PCDHGA9: variants seen among roughly 807,000 people sequenced by gnomAD.
The protein encoded by PCDHGA9 is protocadherin gamma subfamily A, 9, also known as protocadherin gamma-A9.
Under a neutral mutation model 62.5 loss-of-function variants are expected in PCDHGA9, and 37 were observed. The observed-to-expected ratio is 0.59, with a 90% confidence interval of 0.46 to 0.78. PCDHGA9 has a LOEUF of 0.78. PCDHGA9 is among the 30% of genes least tolerant of loss of function. PCDHGA9 has a pLI of 0.00. For synonymous variants in PCDHGA9, 459 were observed against 484.6 expected (o/e 0.95, Z 0.69); for missense variants, 1,138 against 1,166.2 (o/e 0.98, Z 0.35).
In PCDHGA9 at chr5:141,403,163, A is replaced by G. The variant is rs1357883715; in HGVS notation, c.211A>G (p.Arg71Gly). 1 of 1,614,052 alleles carries G rather than the reference A, an allele frequency of 6.2e-7. No individual in the cohort carries two copies. The highest frequency in any genetic ancestry group is 1.7e-5 in the Admixed American group (1 of 60,020). ...CCGAGTCCGCATCGTCTCTAGAGGTAGGACGCAGCTTTTCTCTCTGAACCC... is the reference window on the plus strand; with the variant it reads ...CCGAGTCCGCATCGTCTCTAGAGGTGGGACGCAGCTTTTCTCTCTGAACCC... ...ERRVRIVSRGRTQLFSLNPRS... is the reference protein window; with the variant it reads ...ERRVRIVSRGGTQLFSLNPRS... The change falls in exon 1 of 4, where the codon AGG (arginine) becomes GGG (glycine). Residue 71 changes from arginine (R) to glycine (G), a missense_variant. Physicochemically the swap from Arg to Gly is moderately radical, Grantham distance 125. Coordinates refer to ENST00000573521, the MANE Select transcript of PCDHGA9 (RefSeq NM_018921.3).
chr5:141,404,321 T>C lies in PCDHGA9; in HGVS notation c.1369T>C (p.Tyr457His), dbSNP rs764642673. The C allele has an allele frequency of 1.2e-6, 2 of 1,613,882 alleles. No individual in the cohort carries two copies. Among genetic ancestry groups the C allele is most frequent in the East Asian group, 2.2e-5 (1 of 44,876 alleles). Residue 457 changes from tyrosine (Y) to histidine (H), a missense_variant, in exon 1 of 4, where the codon TAC becomes CAC. Tyr to His is a moderately conservative substitution (Grantham distance 83, BLOSUM62 2). Coordinates refer to ENST00000573521, the MANE Select transcript of PCDHGA9 (RefSeq NM_018921.3). ...TCCACCTGCTTTCTCTCAAGCCTCC[T>C]ACTCAGTCTACCTCCCGGAAAACAA... ...DNPPAFSQASYSVYLPENNAR... is the reference protein window; with the variant it reads ...DNPPAFSQASHSVYLPENNAR...
In PCDHGA9 at chr5:141,489,423, C is replaced by A. The variant is rs754178145; in HGVS notation, c.2425-5384C>A. 7.4e-6 allele frequency: 12 copies of A among 1,613,982 alleles called. No homozygotes were observed. Among genetic ancestry groups the A allele is most frequent in the Non-Finnish European group, 1.0e-5 (12 of 1,180,044 alleles). On this transcript the variant is annotated intron_variant, in intron 1 of 3. Transcript: ENST00000573521. The surrounding 1 kb of genome is among the most constrained non-coding windows in gnomAD (Gnocchi z 4.5). Reference sequence around the variant, plus strand: ...GCTTAAAGATGACAGATCTGTTGAGCCGGCGGCTGCAATTGGGCTCTGAGG... The same window carrying A: ...GCTTAAAGATGACAGATCTGTTGAGACGGCGGCTGCAATTGGGCTCTGAGG...
chr5:141,428,423 G>C (rs939814279), intron 1 of PCDHGA9: 1 of 440,550 alleles, frequency 2.3e-6, no homozygotes, highest in Non-Finnish European at 4.3e-6. Flanking sequence ...CCTGGTCTCT[G>C]TTCTAAGACT....
At chr5:141,409,868 A>G in intron 1 of PCDHGA9, 2 of 1,612,688 alleles carry the variant, frequency 1.2e-6, no homozygotes, top group South Asian at 1.1e-5. Context: ...GGGAGACCGC[A>G]ATGACAACGC....
At position 141,413,133 on chromosome 5, in the gene PCDHGA9, C is replaced by T. The variant is rs765215473; in HGVS notation, c.2424+7757C>T. The stretch of plus-strand genomic sequence containing the variant: ...CAAAGGAACCGGTTGAAACACACAA[C>T]GTGTCCAGTGAGGACTTTGCAGAAT... On this transcript the variant is annotated intron_variant, in intron 1 of 3. Transcript: ENST00000573521. 1.1e-5 allele frequency: 17 copies of T among 1,542,110 alleles called. No individual in the cohort carries two copies. In the East Asian group the frequency reaches 3.2e-4, roughly 29 times the overall value.
intron 2 of PCDHGA9, among the ~76,000 whole-genome samples, chr5:141,495,094 C>T (rs1470702358): frequency 6.6e-6 from 1 of 152,156 alleles, no homozygotes; most frequent in African/African-American, 2.4e-5. Flanking sequence ...CTTCCCTCCT[C>T]GCCACGACCG....
At chr5:141,423,980 G>A (rs2154550577) in intron 1 of PCDHGA9, 1 of 1,110,878 alleles carries the variant, frequency 9.0e-7, no homozygotes, top group South Asian at 4.5e-5. Flanking sequence ...AGTGTATGAG[G>A]CTCTCAATTT....
chr5:141,469,354 A>G (rs1160934469), intron 1 of PCDHGA9, among the ~76,000 whole-genome samples: 1 of 152,128 alleles, frequency 6.6e-6, no homozygotes, highest in Non-Finnish European at 1.5e-5. Flanking sequence ...AGGTGGATGG[A>G]TCATGAGGTA....
At chr5:141,503,729 G>C (rs531112359) in intron 2 of PCDHGA9, among the ~76,000 whole-genome samples, 1 of 152,190 alleles carries the variant, frequency 6.6e-6, no homozygotes, top group East Asian at 1.9e-4. Flanking sequence ...CTTTATGTTT[G>C]TTGTGATGGT....
intron 1 of PCDHGA9, chr5:141,408,336 C>T: frequency 6.2e-7 from 1 of 1,613,910 alleles, no homozygotes; most frequent in Non-Finnish European, 8.5e-7. Flanking sequence ...GCCAAGGGCT[C>T]GGTGGTGGGG....
intron 1 of PCDHGA9, among the ~76,000 whole-genome samples, chr5:141,405,659 G>A (rs867774573): frequency 2.0e-5 from 3 of 152,106 alleles, no homozygotes; most frequent in Non-Finnish European, 4.4e-5. Flanking sequence ...TGTGTTTTTA[G>A]TAGAGACGGG....
chr5:141,463,135 C>G (rs1352400365), intron 1 of PCDHGA9, among the ~76,000 whole-genome samples: 1 of 152,128 alleles, frequency 6.6e-6, no homozygotes, highest in African/African-American at 2.4e-5. Flanking sequence ...GGCAGTTCTT[C>G]GCCCAGCTGC....
At chr5:141,475,329 A>G (rs1229101617) in intron 1 of PCDHGA9, among the ~76,000 whole-genome samples, 1 of 152,266 alleles carries the variant, frequency 6.6e-6, no homozygotes, top group Non-Finnish European at 1.5e-5. Context: ...AATGAGAGCT[A>G]ACAATGACAT....
Position 141,476,870 on chromosome 5 carries a change from C to T in PCDHGA9, c.2425-17937C>T, listed in dbSNP as rs2099400432. 3 of 1,613,772 alleles carry T rather than the reference C, an allele frequency of 1.9e-6. No individual in the cohort carries two copies. Among genetic ancestry groups the T allele is most frequent in the South Asian group, 1.1e-5 (1 of 91,094 alleles). On this transcript the variant is annotated intron_variant, in intron 1 of 3. Coordinates refer to ENST00000573521, the MANE Select transcript of PCDHGA9 (RefSeq NM_018921.3). The surrounding 1 kb of genome is among the most constrained non-coding windows in gnomAD (Gnocchi z 7.6). ...CTTCAACCAGTCCTTGTACCGGGCGCGCGTCCTGGAGGATGCACCCTCCGG... is the reference window on the plus strand; with the variant it reads ...CTTCAACCAGTCCTTGTACCGGGCGTGCGTCCTGGAGGATGCACCCTCCGG...
At chr5:141,427,266 G>A (rs753905641) in intron 1 of PCDHGA9, 15 of 456,620 alleles carry the variant, frequency 3.3e-5, no homozygotes, top group Non-Finnish European at 5.7e-5. Context: ...CATGACCAGC[G>A]AATGTAAAAT....
At chr5:141,411,250 T>C (rs1009574489) in intron 1 of PCDHGA9, 1 of 152,156 alleles carries the variant, frequency 6.6e-6, no homozygotes, top group African/African-American at 2.4e-5. Context: ...ATTTACGATA[T>C]CTTATTTATA....
intron 1 of PCDHGA9, chr5:141,408,047 A>C (rs1038145479): frequency 2.4e-6 from 3 of 1,243,316 alleles, no homozygotes; most frequent in Non-Finnish European, 3.2e-6. Context: ...GCTCCCACAC[A>C]GAGCCTCCCG....
chr5:141,425,523 T>C (rs1260519939), intron 1 of PCDHGA9, among the ~76,000 whole-genome samples: 1 of 152,248 alleles, frequency 6.6e-6, no homozygotes, highest in Admixed American at 6.5e-5. Flanking sequence ...TGATGAAACA[T>C]GAAACAATAA....
intron 3 of PCDHGA9, among the ~76,000 whole-genome samples, chr5:141,506,282 C>G (rs1422321122): frequency 6.6e-6 from 1 of 152,040 alleles, no homozygotes; most frequent in East Asian, 1.9e-4. Flanking sequence ...AACCCTGTCT[C>G]TACTAAAAAT....
Sources: gnomAD v4.1 joint callset for allele counts (sites outside exome capture counted in the v4.1 genomes callset) on GRCh38, gnomAD v4.1.1 for gene constraint, Gnocchi (gnomAD v3.1) non-coding constraint, MANE v1.5 for transcripts, NCBI Gene and HGNC (gene_info 2026-07-23, HGNC 2026-07-21) for gene names.